TMEM132D: variants seen among roughly 807,000 people sequenced by gnomAD.
The protein encoded by TMEM132D is transmembrane protein 132D.
TMEM132D carries 21 observed loss-of-function variants against 62.3 expected under a neutral mutation model. The observed-to-expected ratio is 0.34, with a 90% CI of 0.24 to 0.49. The LOEUF is 0.49. Among genes scored for constraint, TMEM132D ranks in the 20% least tolerant of loss-of-function variants. The pLI is 0.99. For missense variants in TMEM132D, 1,346 were observed against 1,402.8 expected (o/e 0.96, Z 0.65); for synonymous variants, 621 against 575.6 (o/e 1.08, Z -1.13).
chr12:129,552,425 T>C (rs1876925007), intron 2 of TMEM132D, among the ~76,000 whole-genome samples: 5 of 152,178 alleles, frequency 3.3e-5, no homozygotes, highest in Admixed American at 3.3e-4. Flanking sequence ...CCTATCTACC[T>C]AGCATCTATC....
chr12:129,895,789 C>T (rs962181592), intron 1 of TMEM132D, among the ~76,000 whole-genome samples: 2 of 150,686 alleles, frequency 1.3e-5, no homozygotes, highest in Admixed American at 6.6e-5. Context: ...TCTAAGCTGC[C>T]CTCCAAATTC....
intron 1 of TMEM132D, among the ~76,000 whole-genome samples, chr12:129,898,287 A>C (rs1875216983): frequency 1.3e-5 from 2 of 152,248 alleles, no homozygotes; most frequent in Admixed American, 6.5e-5. Flanking sequence ...GAGCCCCTGC[A>C]ATGTCCAAAG....
At chr12:129,781,479 A>G (rs1011359282) in intron 1 of TMEM132D, among the ~76,000 whole-genome samples, 3 of 152,228 alleles carry the variant, frequency 2.0e-5, no homozygotes, top group Non-Finnish European at 4.4e-5. Flanking sequence ...TAAAATGATA[A>G]TAAGGTCATC....
chr12:129,680,996 G>C (rs1198021937), intron 2 of TMEM132D, among the ~76,000 whole-genome samples: 1 of 152,212 alleles, frequency 6.6e-6, no homozygotes, highest in African/African-American at 2.4e-5. Context: ...CAACCCACAA[G>C]TTTCCTATCA....
intron 3 of TMEM132D, among the ~76,000 whole-genome samples, chr12:129,341,127 G>A (rs549595810): frequency 1.4e-4 from 22 of 152,250 alleles, no homozygotes; most frequent in South Asian, 2.1e-4. Flanking sequence ...AAACTCTTGC[G>A]TAGTAGGCAA....
At chr12:129,896,245 C>T (rs1050361836) in intron 1 of TMEM132D, among the ~76,000 whole-genome samples, 2 of 152,036 alleles carry the variant, frequency 1.3e-5, no homozygotes, top group African/African-American at 4.8e-5. Context: ...ACCTGGGCCC[C>T]CCAAAGAGCT....
intron 1 of TMEM132D, among the ~76,000 whole-genome samples, chr12:129,748,464 T>G (rs1320843681): frequency 1.3e-5 from 2 of 152,110 alleles, no homozygotes; most frequent in African/African-American, 4.8e-5. Flanking sequence ...TTTGAGCTTG[T>G]CTGGGCACAT....
At chr12:129,381,272 T>C (rs1870942700) in intron 3 of TMEM132D, among the ~76,000 whole-genome samples, 1 of 152,200 alleles carries the variant, frequency 6.6e-6, no homozygotes, top group African/African-American at 2.4e-5. Context: ...TCCTATGAGC[T>C]CTTATAGCTA....
At chr12:129,264,942 A>G (rs1202630078) in intron 4 of TMEM132D, among the ~76,000 whole-genome samples, 1 of 152,172 alleles carries the variant, frequency 6.6e-6, no homozygotes, top group Non-Finnish European at 1.5e-5. Context: ...GTGAGGAATA[A>G]AAGACTACAG....
intron 1 of TMEM132D, among the ~76,000 whole-genome samples, chr12:129,881,412 C>T (rs138652472): frequency 0.014 from 2,114 of 151,838 alleles, 44 homozygotes; most frequent in African/African-American, 0.048. Flanking sequence ...TTCAAGAGCA[C>T]AACAAGCATT....
At chr12:129,840,811 T>C (rs923857250) in intron 1 of TMEM132D, among the ~76,000 whole-genome samples, 3 of 152,230 alleles carry the variant, frequency 2.0e-5, no homozygotes, top group African/African-American at 4.8e-5. Flanking sequence ...CCCCGCCTCA[T>C]GGGATTTGTA....
chr12:129,714,744 G>T (rs1180132426), intron 1 of TMEM132D, among the ~76,000 whole-genome samples: 1 of 152,124 alleles, frequency 6.6e-6, no homozygotes, highest in Non-Finnish European at 1.5e-5. Context: ...ATCCGGGAAA[G>T]AAATTTTAGA....
intron 5 of TMEM132D, among the ~76,000 whole-genome samples, chr12:129,132,821 C>A (rs2135525847): frequency 1.3e-5 from 2 of 152,214 alleles, no homozygotes; most frequent in South Asian, 4.2e-4. Flanking sequence ...TTTAATTGAC[C>A]CTGGATTAGC....
intron 3 of TMEM132D, among the ~76,000 whole-genome samples, chr12:129,385,210 A>G (rs906296167): frequency 6.9e-5 from 10 of 145,512 alleles, no homozygotes; most frequent in African/African-American, 2.6e-4. Flanking sequence ...GGTTCAAGCC[A>G]TTCTCCTGCC....
intron 3 of TMEM132D, among the ~76,000 whole-genome samples, chr12:129,363,098 A>G (rs1870300695): frequency 6.6e-6 from 1 of 152,200 alleles, no homozygotes; most frequent in African/African-American, 2.4e-5. Context: ...CACATTCGGA[A>G]CAATTTCTCT....
chr12:129,809,627 A>C (rs969530755), intron 1 of TMEM132D, among the ~76,000 whole-genome samples: 4 of 152,172 alleles, frequency 2.6e-5, no homozygotes, highest in African/African-American at 9.7e-5. Context: ...ACCTTACTCT[A>C]GCTCATTTGT....
At chr12:129,310,085 C>G (rs954456719) in intron 4 of TMEM132D, among the ~76,000 whole-genome samples, 12 of 151,606 alleles carry the variant, frequency 7.9e-5, no homozygotes, top group Middle Eastern at 6.8e-3. Flanking sequence ...GAGGGCTGGC[C>G]GAGAAGGAAA....
At chr12:129,574,039 A>G (rs1877590738) in intron 2 of TMEM132D, among the ~76,000 whole-genome samples, 1 of 151,962 alleles carries the variant, frequency 6.6e-6, no homozygotes, top group South Asian at 2.1e-4. Flanking sequence ...GGAACTCATC[A>G]ATTGGTACAT....
chr12:129,420,316 T>G (rs1411866852), intron 3 of TMEM132D, among the ~76,000 whole-genome samples: 2 of 59,126 alleles, frequency 3.4e-5, no homozygotes, highest in African/African-American at 9.8e-5. Context: ...GTTTTTTTTT[T>G]TTTTTTTTTT....
Sources: allele counts gnomAD v4.1 joint callset (sites outside exome capture counted in the v4.1 genomes callset), GRCh38; gene constraint gnomAD v4.1.1; transcripts MANE v1.5; gene names NCBI Gene and HGNC (gene_info 2026-07-23, HGNC 2026-07-21).